The following GNAL variants were observed in gnomAD, a reference collection of about 807,000 sequenced individuals.
GNAL encodes guanine nucleotide-binding protein G(olf) subunit alpha.
In GNAL, 18 loss-of-function variants were observed where a neutral mutation model predicts 55.1. The ratio of observed to expected loss-of-function variants is 0.33; its 90% CI spans 0.23 to 0.48. GNAL has a LOEUF of 0.48. Among genes scored for constraint, GNAL ranks in the 20% least tolerant of loss-of-function variants. The pLI is 0.99. For synonymous variants in GNAL, 253 were observed against 237.0 expected (o/e 1.07, Z -0.62); for missense variants, 412 against 614.1 (o/e 0.67, Z 3.48).
At chr18:11,705,819 G>A (rs1195919181) in intron 1 of GNAL, among the ~76,000 whole-genome samples, 1 of 143,940 alleles carries the variant, frequency 6.9e-6, no homozygotes, top group African/African-American at 2.6e-5. Flanking sequence ...GCAGTGGCAC[G>A]ATTTCGGCTC....
chr18:11,752,347 C>G lies in GNAL; in HGVS notation c.377-506C>G, dbSNP rs543780850. On this transcript the variant is annotated intron_variant, in intron 1 of 11. Transcript: ENST00000334049. This position sits in a 1 kb window ranked among gnomAD's most constrained non-coding sequence, Gnocchi z 4.5. The stretch of plus-strand genomic sequence containing the variant: ...CTTTCAGCAGCAGGAAAGAGAGGAG[C>G]CGTCGCAGGAGCCGCACACGTCTCC... The G allele has an allele frequency of 3.3e-6, 5 of 1,496,266 alleles. No homozygotes were observed. The East Asian group carries it at 1.3e-4, about 39-fold the overall frequency. 92.7% of individuals were successfully genotyped at this position (1,496,266 alleles called of 1,614,324 possible).
chr18:11,852,178 A>G, intron 5 of GNAL: 2 of 1,477,904 alleles, frequency 1.4e-6, no homozygotes, highest in African/African-American at 2.8e-5. Context: ...TGTGTTAGAG[A>G]GATACTATAC....
At chr18:11,699,467 A>G (rs1159845447) in intron 1 of GNAL, among the ~76,000 whole-genome samples, 1 of 151,836 alleles carries the variant, frequency 6.6e-6, no homozygotes, top group Admixed American at 6.6e-5. Flanking sequence ...CACCTGCCTC[A>G]GCCTCCTAAA....
intron 1 of GNAL, among the ~76,000 whole-genome samples, chr18:11,695,920 A>ACG (rs1567988349): frequency 2.5e-4 from 35 of 140,852 alleles, no homozygotes; most frequent in African/African-American, 1.1e-3. Context: ...GCATGCACGC[A>ACG]TGCACACACA....
chr18:11,884,620 AT>A lies in GNAL; in HGVS notation c.*3486del, dbSNP rs1304042011. The stretch of plus-strand genomic sequence containing the variant: ...GGAGAGGGTGTAGTCTGTGGGCGTG[AT>A]GCTACCCTGGAAAGGAGAAGGGAAA... On this transcript the variant is annotated 3_prime_UTR_variant, in exon 12 of 12. Coordinates refer to ENST00000334049, the MANE Select transcript of GNAL (RefSeq NM_182978.4). 1 of 1,613,286 alleles carries A rather than the reference AT, an allele frequency of 6.2e-7. No homozygotes were observed. Among genetic ancestry groups the A allele is most frequent in the African/African-American group, 1.3e-5 (1 of 74,970 alleles).
chr18:11,877,181 C>T (rs1319972197), intron 11 of GNAL, among the ~76,000 whole-genome samples: 11 of 152,160 alleles, frequency 7.2e-5, no homozygotes, highest in Non-Finnish European at 1.5e-4. Context: ...AGGCCGGGTG[C>T]GGTGGCTCAT....
In GNAL at chr18:11,752,275, G is replaced by A; in HGVS notation, c.377-578G>A. 1 of 1,397,980 alleles carries A rather than the reference G, an allele frequency of 7.2e-7. No individual in the cohort carries two copies. The highest frequency in any genetic ancestry group is 2.8e-5 in the East Asian group (1 of 35,436). The allele number at this position is 1,397,980 out of a possible 1,614,324, so 86.6% of individuals were successfully genotyped here. On this transcript the variant is annotated intron_variant, in intron 1 of 11. Transcript: ENST00000334049. The surrounding 1 kb of genome is among the most constrained non-coding windows in gnomAD (Gnocchi z 4.5). ...TTGCGGTGGGCAGGGGGAGGGAGAA[G>A]AAACGCCTGCTCTGAATCGGAAAAC...
At chr18:11,837,104 C>A (rs150029709) in intron 5 of GNAL, among the ~76,000 whole-genome samples, 1 of 152,122 alleles carries the variant, frequency 6.6e-6, no homozygotes, top group Admixed American at 6.6e-5. Flanking sequence ...CAGGCACATG[C>A]CACCACGCCC....
intron 4 of GNAL, among the ~76,000 whole-genome samples, chr18:11,766,897 G>A (rs1438188591): frequency 2.0e-5 from 3 of 152,210 alleles, no homozygotes; most frequent in Admixed American, 1.3e-4. Flanking sequence ...TAGGTTCAGC[G>A]TGGCTAATAA....
intron 4 of GNAL, among the ~76,000 whole-genome samples, chr18:11,819,386 A>T (rs943540348): frequency 1.3e-5 from 2 of 152,200 alleles, no homozygotes; most frequent in African/African-American, 4.8e-5. Context: ...TTAATTTTTT[A>T]AACTTTAGTT....
At chr18:11,790,778 T>G (rs1293693562) in intron 4 of GNAL, among the ~76,000 whole-genome samples, 1 of 148,622 alleles carries the variant, frequency 6.7e-6, no homozygotes, top group Non-Finnish European at 1.5e-5. Context: ...TGCCTCAGCC[T>G]CCTGAGTAGC....
intron 5 of GNAL, among the ~76,000 whole-genome samples, chr18:11,841,903 C>T (rs1426938468): frequency 6.6e-6 from 1 of 151,958 alleles, no homozygotes; most frequent in African/African-American, 2.4e-5. Context: ...GTGGAATATA[C>T]GTATGAACTG....
chr18:11,824,895 T>A, intron 4 of GNAL, 23 bp from the exon 5 acceptor site: 1 of 1,301,636 alleles, frequency 7.7e-7, no homozygotes, highest in Non-Finnish European at 1.1e-6. Context: ...TTTTTTTTAA[T>A]TTGTAACTCT....
intron 5 of GNAL, among the ~76,000 whole-genome samples, chr18:11,855,339 C>A (rs547159941): frequency 1.4e-4 from 22 of 152,280 alleles, no homozygotes; most frequent in African/African-American, 5.3e-4. Flanking sequence ...ACAAAAGTAT[C>A]CAACTGAAAC....
chr18:11,779,011 A>T (rs1373394849), intron 4 of GNAL, among the ~76,000 whole-genome samples: 1 of 152,074 alleles, frequency 6.6e-6, no homozygotes, highest in African/African-American at 2.4e-5. Flanking sequence ...CTCCCAATCC[A>T]TGATGGGAAC....
intron 4 of GNAL, among the ~76,000 whole-genome samples, chr18:11,775,071 C>T (rs1052197134): frequency 1.1e-4 from 16 of 152,322 alleles, no homozygotes; most frequent in African/African-American, 3.8e-4. Flanking sequence ...GCAGAGAGTC[C>T]TGCTGAATCT....
intron 1 of GNAL, among the ~76,000 whole-genome samples, chr18:11,700,867 CAT>C (rs2031550062): frequency 6.6e-6 from 1 of 152,218 alleles, no homozygotes; most frequent in Non-Finnish European, 1.5e-5. Flanking sequence ...AATATTTTGA[CAT>C]AAACAGAAAA....
At chr18:11,709,247 G>A (rs2031782074) in intron 1 of GNAL, among the ~76,000 whole-genome samples, 1 of 145,800 alleles carries the variant, frequency 6.9e-6, no homozygotes, top group Admixed American at 7.0e-5. Flanking sequence ...TTCTAGCTTT[G>A]TTCTTCTTTC....
intron 4 of GNAL, among the ~76,000 whole-genome samples, chr18:11,794,341 C>G (rs2034319926): frequency 6.6e-6 from 1 of 152,154 alleles, no homozygotes; most frequent in Non-Finnish European, 1.5e-5. Flanking sequence ...TGTTCATCAA[C>G]AGATGAATGG....
Sources: gnomAD v4.1 joint callset for allele counts (sites outside exome capture counted in the v4.1 genomes callset) on GRCh38, gnomAD v4.1.1 for gene constraint, Gnocchi (gnomAD v3.1) non-coding constraint, MANE v1.5 for transcripts, NCBI Gene and HGNC (gene_info 2026-07-23, HGNC 2026-07-21) for gene names.